DAD1: variants seen among roughly 807,000 people sequenced by gnomAD.
The protein encoded by DAD1 is dolichyl-diphosphooligosaccharide--protein glycosyltransferase subunit DAD1.
DAD1 carries 4 observed loss-of-function variants against 9.0 expected under a neutral mutation model. The observed-to-expected ratio is 0.44, with a 90% CI of 0.22 to 1.01. DAD1 has a LOEUF of 1.01. Ranked by LOEUF, DAD1 falls within the 50% of genes least tolerant of loss-of-function variation. The probability of loss-of-function intolerance (pLI) is 0.24; values close to 1 mark genes in which losing one functional copy is unlikely to be tolerated. For synonymous variants in DAD1, 60 were observed against 62.5 expected (o/e 0.96, Z 0.19); for missense variants, 119 against 137.3 (o/e 0.87, Z 0.67).
intron 2 of DAD1, among the ~76,000 whole-genome samples, chr14:22,570,621 C>A (rs1396437290): frequency 6.6e-6 from 1 of 152,168 alleles, no homozygotes; most frequent in Non-Finnish European, 1.5e-5. Flanking sequence ...AGGTAATTTT[C>A]TAGATTACTA....
intron 2 of DAD1, among the ~76,000 whole-genome samples, chr14:22,572,601 TAC>T (rs957167422): frequency 2.0e-5 from 3 of 152,182 alleles, no homozygotes; most frequent in Admixed American, 6.5e-5. Flanking sequence ...TGGTCTGCAG[TAC>T]ACAGTTTCTG....
At chr14:22,574,006 G>A (rs561949061) in intron 2 of DAD1, among the ~76,000 whole-genome samples, 1 of 152,294 alleles carries the variant, frequency 6.6e-6, no homozygotes, top group African/African-American at 2.4e-5. Context: ...AGTGGTGACA[G>A]GAAGAGGTTG....
chr14:22,568,804 C>T (rs2037018608), intron 2 of DAD1, among the ~76,000 whole-genome samples: 1 of 151,724 alleles, frequency 6.6e-6, no homozygotes, highest in Non-Finnish European at 1.5e-5. Context: ...CTCAAGCAAT[C>T]CTTCCACCTC....
At chr14:22,570,451 C>T (rs187666022) in intron 2 of DAD1, among the ~76,000 whole-genome samples, 26 of 152,234 alleles carry the variant, frequency 1.7e-4, no homozygotes, top group African/African-American at 6.0e-4. Context: ...CTGCTGCCCC[C>T]CAATGACTGG....
chr14:22,571,929 C>T (rs560902762), intron 2 of DAD1, among the ~76,000 whole-genome samples: 1 of 152,286 alleles, frequency 6.6e-6, no homozygotes, highest in South Asian at 2.1e-4. Flanking sequence ...CGTGCTCAGC[C>T]ATCCTAGCCA....
rs577268120 is a variant in DAD1, at chr14:22,565,046, G to A, written c.*136C>T. 1 of 697,930 alleles carries A rather than the reference G, an allele frequency of 1.4e-6. No homozygotes were observed. The highest frequency in any genetic ancestry group is 2.7e-5 in the East Asian group (1 of 37,202). 43.2% of individuals were successfully genotyped at this position (697,930 alleles called of 1,614,324 possible). On this transcript the variant is annotated 3_prime_UTR_variant, in exon 3 of 3. Coordinates refer to ENST00000250498, the MANE Select transcript of DAD1 (RefSeq NM_001344.4). ...GGGCTTTTCTCCTGCATAAAAAGCAGAGCTAGCAGTAAGTGCAAATCTGAA... is the reference window on the plus strand; with the variant it reads ...GGGCTTTTCTCCTGCATAAAAAGCAAAGCTAGCAGTAAGTGCAAATCTGAA...
rs373809188 is a variant in DAD1, at chr14:22,588,931, C to T, written c.211+16G>A. On this transcript the variant is annotated intron_variant, in intron 1 of 2. Transcript: ENST00000250498. Reference sequence around the variant, plus strand: ...AAGTAACACATTATTATTATGATCACTTATAGAACCATTACCCGCTAGGAT... The same window carrying T: ...AAGTAACACATTATTATTATGATCATTTATAGAACCATTACCCGCTAGGAT... 7.0e-5 allele frequency: 113 copies of T among 1,613,226 alleles called. 1 individual carries two copies. Among genetic ancestry groups the T allele is most frequent in the Middle Eastern group, 3.3e-4 (2 of 6,082 alleles).
At chr14:22,580,340 A>G (rs138831427) in intron 1 of DAD1, among the ~76,000 whole-genome samples, 1 of 152,110 alleles carries the variant, frequency 6.6e-6, no homozygotes, top group East Asian at 1.9e-4. Context: ...AGATTGCTTG[A>G]GCCCAGGAGG....
rs377745382 is a variant in DAD1, at chr14:22,579,189, T to A, written c.212-3956A>T. On this transcript the variant is annotated intron_variant, in intron 1 of 2. Coordinates refer to ENST00000250498, the MANE Select transcript of DAD1 (RefSeq NM_001344.4). ...GAGAACTCTCCACTGCCACACTCCA[T>A]CCCCTTGAAGATTCTAACAGTCACC... Among the ~76,000 whole-genome samples, 20 of 146,378 alleles carry A rather than the reference T, an allele frequency of 1.4e-4. No homozygotes were observed. In the East Asian group the frequency reaches 3.8e-3, roughly 28 times the overall value.
chr14:22,585,151 G>A (rs2037143770), intron 1 of DAD1, among the ~76,000 whole-genome samples: 1 of 152,152 alleles, frequency 6.6e-6, no homozygotes, highest in East Asian at 1.9e-4. Context: ...AGAAAACTCT[G>A]GACTAGGCCT....
At chr14:22,565,495 A>C (rs890162983) in intron 2 of DAD1, among the ~76,000 whole-genome samples, 1 of 152,184 alleles carries the variant, frequency 6.6e-6, no homozygotes, top group Non-Finnish European at 1.5e-5. Context: ...GTTGTAGTTT[A>C]ACCTAAAGAG....
In DAD1 at chr14:22,579,181, A is replaced by G. The variant is rs145170567; in HGVS notation, c.212-3948T>C. ...TAACTCATGAGAACTCTCCACTGCCACACTCCATCCCCTTGAAGATTCTAA... is the reference window on the plus strand; with the variant it reads ...TAACTCATGAGAACTCTCCACTGCCGCACTCCATCCCCTTGAAGATTCTAA... On this transcript the variant is annotated intron_variant, in intron 1 of 2. Transcript: ENST00000250498. Among the ~76,000 whole-genome samples the G allele has an allele frequency of 3.7e-3, 566 of 151,816 alleles. 1 individual carries two copies. The highest frequency in any genetic ancestry group is 0.014 in the Middle Eastern group (4 of 294).
At chr14:22,566,338 C>CTT (rs10707937) in intron 2 of DAD1, among the ~76,000 whole-genome samples, 68 of 147,720 alleles carry the variant, frequency 4.6e-4, no homozygotes, top group Middle Eastern at 3.5e-3. Flanking sequence ...AACATTACAG[C>CTT]TTTTTTTTTT....
intron 2 of DAD1, among the ~76,000 whole-genome samples, chr14:22,566,192 AAAAG>A (rs1270967081): frequency 6.6e-6 from 1 of 152,252 alleles, no homozygotes; most frequent in Non-Finnish European, 1.5e-5. Flanking sequence ...AGAAATGTAT[AAAAG>A]AAAGAGCAAT....
At chr14:22,580,920 G>A (rs746456814) in intron 1 of DAD1, among the ~76,000 whole-genome samples, 4 of 151,860 alleles carry the variant, frequency 2.6e-5, no homozygotes, top group African/African-American at 9.7e-5. Context: ...TCTCTCAGAT[G>A]CATTGGAAAC....
intron 2 of DAD1, among the ~76,000 whole-genome samples, chr14:22,571,893 A>G (rs5742818): frequency 0.093 from 14,084 of 152,030 alleles, 1,196 homozygotes; most frequent in African/African-American, 0.22. Flanking sequence ...GCCTCCCAAA[A>G]TGCTGGGATT....
intron 2 of DAD1, among the ~76,000 whole-genome samples, chr14:22,568,397 T>C (rs1291499069): frequency 6.6e-6 from 1 of 152,292 alleles, no homozygotes; most frequent in Non-Finnish European, 1.5e-5. Context: ...TATAATCATT[T>C]AACTTTCTGC....
In DAD1 at chr14:22,575,068, G is replaced by A. The variant is rs2037067039; in HGVS notation, c.*35C>T. 2 of 1,608,150 alleles carry A rather than the reference G, an allele frequency of 1.2e-6. No homozygotes were observed. Among genetic ancestry groups the A allele is most frequent in the Admixed American group, 3.4e-5 (2 of 59,450 alleles). On this transcript the variant is annotated 3_prime_UTR_variant, in exon 2 of 3. Transcript: ENST00000250498. ...TATGATCATCACTTACATTCTTTTA[G>A]TCTCCTACTCCTCAATTAAGTAAAT...
intron 2 of DAD1, among the ~76,000 whole-genome samples, chr14:22,566,452 A>G (rs1202502794): frequency 6.6e-6 from 1 of 152,130 alleles, no homozygotes; most frequent in Non-Finnish European, 1.5e-5. Flanking sequence ...CTCTGCTTCA[A>G]CCTGCTGAGT....
Sources: allele counts gnomAD v4.1 joint callset (sites outside exome capture counted in the v4.1 genomes callset), GRCh38; gene constraint gnomAD v4.1.1; transcripts MANE v1.5; gene names NCBI Gene and HGNC (gene_info 2026-07-23, HGNC 2026-07-21).